The following P2RX7 variants were observed in gnomAD, a reference collection of about 807,000 sequenced individuals.
The protein encoded by P2RX7 is P2X purinoceptor 7.
In P2RX7, 62 loss-of-function variants were observed where a neutral mutation model predicts 71.6. The ratio of observed to expected loss-of-function variants is 0.87; its 90% CI spans 0.71 to 1.07. The LOEUF (loss-of-function observed/expected upper bound fraction) is 1.07. Ranked by LOEUF, P2RX7 falls within the 50% of genes least tolerant of loss-of-function variation. The pLI, the probability that P2RX7 is intolerant of heterozygous loss-of-function variation, is 0.00. For missense variants in P2RX7, 686 were observed against 748.5 expected, an observed-to-expected ratio of 0.92 and a Z score of 0.97; for synonymous variants, 299 against 283.3, an observed-to-expected ratio of 1.06 and a Z score of -0.56.
intron 11 of P2RX7, among the ~76,000 whole-genome samples, chr12:121,179,327 C>T (rs992322089): frequency 3.3e-5 from 5 of 151,846 alleles, no homozygotes; most frequent in African/African-American, 4.8e-5. Context: ...GGAGAAACCC[C>T]GTCTCTACTA....
At position 121,187,458 on chromosome 12, in the gene P2RX7, G is replaced by A. The variant is rs1470816802; in HGVS notation, c.*2656G>A. The A allele has an allele frequency of 1.3e-5, 2 of 152,096 alleles. No homozygotes were observed. The highest frequency in any genetic ancestry group is 6.6e-5 in the Admixed American group (1 of 15,260). 9.4% of individuals were successfully genotyped at this position (152,096 alleles called of 1,614,324 possible). On this transcript the variant is annotated 3_prime_UTR_variant, in exon 13 of 13. Coordinates refer to ENST00000328963, the MANE Select transcript of P2RX7 (RefSeq NM_002562.6). ...TGGAGCTTACATTTCTTTACTTCAC[G>A]AATTCTATGTCACTGTTACAAGTTT...
chr12:121,167,498 T>C lies in P2RX7; in HGVS notation c.755T>C (p.Met252Thr). The change falls in exon 8 of 13, where the codon ATG becomes ACG. Residue 252 changes from methionine (M) to threonine (T), a missense_variant. Physicochemically the swap from Met to Thr is moderately conservative, Grantham distance 81 (BLOSUM62 -1). Coordinates refer to ENST00000328963, the MANE Select transcript of P2RX7 (RefSeq NM_002562.6). ...TTGTTGATCCTTCAGGGCGGAATAATGGGCATTGAGATCTACTGGGACTGC... is the reference window on the plus strand; with the variant it reads ...TTGTTGATCCTTCAGGGCGGAATAACGGGCATTGAGATCTACTGGGACTGC... ...FSDVAIQGGI[M>T]GIEIYWDCNL... is the part of the protein sequence containing the mutation. 1 of 1,614,050 alleles carries C rather than the reference T, an allele frequency of 6.2e-7. No individual in the cohort carries two copies. Among genetic ancestry groups the C allele is most frequent in the Non-Finnish European group, 8.5e-7 (1 of 1,179,960 alleles).
intron 1 of P2RX7, among the ~76,000 whole-genome samples, chr12:121,144,448 T>A (rs962130424): frequency 1.3e-5 from 2 of 152,224 alleles, no homozygotes; most frequent in Non-Finnish European, 2.9e-5. Context: ...GCCACCCGCC[T>A]TGGCCTCCCA....
chr12:121,170,428 GGTA>G (rs1006836740), intron 8 of P2RX7, among the ~76,000 whole-genome samples: 1 of 152,146 alleles, frequency 6.6e-6, no homozygotes, highest in Non-Finnish European at 1.5e-5. Context: ...AGAACAAAGT[GGTA>G]GAGCATTTGT....
rs1165057111 is a variant in P2RX7 at position 121,133,199 on chromosome 12, G to A, written c.125+104G>A. The A allele has an allele frequency of 1.9e-5, 26 of 1,344,704 alleles. 1 individual carries two copies. In the South Asian group the frequency reaches 2.6e-4, roughly 14 times the overall value. The allele number at this position is 1,344,704 out of a possible 1,614,324, so 83.3% of individuals were successfully genotyped here. A position where few individuals can be genotyped will look rare whatever the true frequency, so the allele number is the denominator to read the frequency against. ...ACATTCTGAATCTCACATGGTTTTC[G>A]AATCTGAGACGTGCTCTCACAGCCA... On this transcript the variant is annotated intron_variant, in intron 1 of 12. Transcript: ENST00000328963.
chr12:121,151,044 C>T (rs779675501), intron 1 of P2RX7, among the ~76,000 whole-genome samples: 10 of 152,140 alleles, frequency 6.6e-5, no homozygotes, highest in Non-Finnish European at 1.0e-4. Context: ...TCCTTCATCC[C>T]ATTCTCTTTC....
rs147413127 is a variant in P2RX7, at chr12:121,185,700, C to T, written c.*898C>T. The T allele has an allele frequency of 2.6e-5, 4 of 152,680 alleles. No homozygotes were observed. Among genetic ancestry groups the T allele is most frequent in the Admixed American group, 6.5e-5 (1 of 15,274 alleles). The allele number at this position is 152,680 out of a possible 1,614,324, so 9.5% of individuals were successfully genotyped here. On this transcript the variant is annotated 3_prime_UTR_variant, in exon 13 of 13. Transcript: ENST00000328963. ...TCAGATCCTGATCTTAAGAGGCTGA[C>T]AGCTTCTACTTGCTGTCCCTTGGAA...
In P2RX7 at chr12:121,154,463, G is replaced by A. The variant is rs111936731; in HGVS notation, c.126-322G>A. Among the ~76,000 whole-genome samples the A allele has an allele frequency of 6.4e-3, 970 of 152,258 alleles. 7 individuals are homozygous for A. The highest frequency in any genetic ancestry group is 0.022 in the African/African-American group (903 of 41,544). The stretch of plus-strand genomic sequence containing the variant: ...CCACCGGGGCGAGACTTTATGACTT[G>A]AGAAGCTGTCCTATCTATGAGGGTC... On this transcript the variant is annotated intron_variant, in intron 1 of 12. Coordinates refer to ENST00000328963, the MANE Select transcript of P2RX7 (RefSeq NM_002562.6). The surrounding 1 kb of genome is among the most constrained non-coding windows in gnomAD (Gnocchi z 4.2).
At chr12:121,145,713 G>C (rs1208354349) in intron 1 of P2RX7, among the ~76,000 whole-genome samples, 4 of 151,866 alleles carry the variant, frequency 2.6e-5, no homozygotes, top group Non-Finnish European at 5.9e-5. Context: ...TCACCATGTT[G>C]GCCAGGCTGG....
rs561000522 is a variant in P2RX7 at position 121,182,404 on chromosome 12, G to A, written c.1291-1901G>A. Among the ~76,000 whole-genome samples the A allele has an allele frequency of 5.3e-5, 8 of 152,226 alleles. No homozygotes were observed. In the South Asian group the frequency reaches 1.7e-3, roughly 32 times the overall value. ...AAAACGCATCAGTAGCTGATTCTGT[G>A]GTTGTCTGAATATCATGGACTCTAT... On this transcript the variant is annotated intron_variant, in intron 12 of 12. Transcript: ENST00000328963.
chr12:121,158,536 G>C (rs1449013671), intron 3 of P2RX7, among the ~76,000 whole-genome samples: 1 of 152,140 alleles, frequency 6.6e-6, no homozygotes, highest in Admixed American at 6.6e-5. Flanking sequence ...CCTTCTTAAG[G>C]CTTAGGCCTG....
chr12:121,187,385 A>G lies in P2RX7; in HGVS notation c.*2583A>G, dbSNP rs1358763664. The G allele has an allele frequency of 6.6e-6, 1 of 152,186 alleles. No homozygotes were observed. Among genetic ancestry groups the G allele is most frequent in the Non-Finnish European group, 1.5e-5 (1 of 68,030 alleles). 9.4% of individuals were successfully genotyped at this position (152,186 alleles called of 1,614,324 possible). A position where few individuals can be genotyped will look rare whatever the true frequency, so the allele number is the denominator to read the frequency against. On this transcript the variant is annotated 3_prime_UTR_variant, in exon 13 of 13. Transcript: ENST00000328963. ...GCCAGATTGAACTTTGATTTTTACT[A>G]CCTTTTCAAAGATATTTTAAAAAGT...
chr12:121,161,160 A>C (rs765837924), intron 4 of P2RX7, among the ~76,000 whole-genome samples, 186 bp downstream of exon 4: 4 of 152,132 alleles, frequency 2.6e-5, no homozygotes, highest in Non-Finnish European at 5.9e-5. Flanking sequence ...GACTGTAAAC[A>C]TGACTCCAGT....
intron 1 of P2RX7, among the ~76,000 whole-genome samples, chr12:121,140,497 A>G (rs867626663): frequency 5.9e-5 from 9 of 152,330 alleles, no homozygotes; most frequent in Middle Eastern, 3.4e-3. Flanking sequence ...GCGAGGAGAT[A>G]GAGGCTTGGG....
At chr12:121,166,028 G>C (rs1222947074) in intron 6 of P2RX7, 30 bp from the exon 7 acceptor site, 1 of 1,602,494 alleles carries the variant, frequency 6.2e-7, no homozygotes. Flanking sequence ...CGAGATGTTT[G>C]TTTGTTTGTT....
rs35415599 is a variant in P2RX7, at chr12:121,146,287, CTTTTTTTTTTT to C, written c.126-8479_126-8469del. On this transcript the variant is annotated intron_variant, in intron 1 of 12. Transcript: ENST00000328963. Reference sequence around the variant, plus strand: ...CCATCCTCTTATTTGTCAAGCCTCTCTTTTTTTTTTTTTTTTTTTTTTTTTTTTTGAGGAGT... The same window carrying C: ...CCATCCTCTTATTTGTCAAGCCTCTCTTTTTTTTTTTTTTTTTTGAGGAGT... Among the ~76,000 whole-genome samples, 441 of 80,486 alleles carry C rather than the reference CTTTTTTTTTTT, an allele frequency of 5.5e-3. 6 individuals are homozygous for C. The highest frequency in any genetic ancestry group is 0.027 in the African/African-American group (394 of 14,592). 52.8% of individuals were successfully genotyped at this position (80,486 alleles called of 152,430 possible).
intron 7 of P2RX7, 31 bp downstream of exon 7, chr12:121,166,218 G>T: frequency 6.2e-7 from 1 of 1,604,880 alleles, no homozygotes; most frequent in Non-Finnish European, 8.5e-7. Flanking sequence ...TGGGATGTGG[G>T]GCTGTGTGTC....
At chr12:121,138,146 G>A (rs1398648231) in intron 1 of P2RX7, among the ~76,000 whole-genome samples, 5 of 152,302 alleles carry the variant, frequency 3.3e-5, no homozygotes, top group South Asian at 4.1e-4. Context: ...CCTCAAAGGG[G>A]AATTTATTGG....
intron 9 of P2RX7, among the ~76,000 whole-genome samples, chr12:121,176,572 G>A (rs1883168750): frequency 6.6e-6 from 1 of 152,006 alleles, no homozygotes; most frequent in South Asian, 2.1e-4. Context: ...CCAACATGGT[G>A]AAACCCTGTC....
Sources: gnomAD v4.1 joint callset for allele counts (sites outside exome capture counted in the v4.1 genomes callset) on GRCh38, gnomAD v4.1.1 for gene constraint, Gnocchi (gnomAD v3.1) non-coding constraint, MANE v1.5 for transcripts, NCBI Gene and HGNC (gene_info 2026-07-23, HGNC 2026-07-21) for gene names.